CHD7: variants seen among roughly 807,000 people sequenced by gnomAD.
CHD7 encodes the protein ATP-dependent chromatin remodeler CHD7.
Under a neutral mutation model 307.3 loss-of-function variants are expected in CHD7, and 24 were observed. That is an observed-to-expected ratio of 0.08 (90% CI 0.06 to 0.11). The LOEUF is 0.11. CHD7 is among the 10% of genes least tolerant of loss of function. The pLI, the probability that CHD7 is intolerant of heterozygous loss-of-function variation, is 1.00. For missense variants in CHD7, 3,106 were observed against 3,727.1 expected (o/e 0.83, Z 4.34); for synonymous variants, 1,363 against 1,349.9 (o/e 1.01, Z -0.21).
Position 60,841,867 on chromosome 8 carries a change from T to C in CHD7, c.4665T>C (p.Thr1555=). Residue 1555 remains threonine (T), a synonymous_variant, in exon 21 of 38, where the codon ACT becomes ACC. Coordinates refer to ENST00000423902, the MANE Select transcript of CHD7 (RefSeq NM_017780.4). ...ATTAGAACAACCTGGTTATTGATAC[T>C]CCAAGAGTGAGAAAGCAGACCAGGC... The part of the protein sequence containing the change: ...LNGRNNLVID[T]PRVRKQTRLY... 1.2e-6 allele frequency: 2 copies of C among 1,608,190 alleles called. No individual in the cohort carries two copies. Among genetic ancestry groups the C allele is most frequent in the Non-Finnish European group, 1.7e-6 (2 of 1,176,762 alleles).
At chr8:60,827,209 T>G (rs1441987854) in intron 13 of CHD7, among the ~76,000 whole-genome samples, 1 of 151,536 alleles carries the variant, frequency 6.6e-6, no homozygotes, top group Non-Finnish European at 1.5e-5. Flanking sequence ...GTAACTAACC[T>G]GCACAATGTA....
chr8:60,719,307 G>A (rs1306496822), intron 1 of CHD7, among the ~76,000 whole-genome samples: 3 of 152,174 alleles, frequency 2.0e-5, no homozygotes, highest in African/African-American at 7.2e-5. Context: ...AAAATATTTT[G>A]TAAAGTTCCA....
rs757868659 is a variant in CHD7 at position 60,856,001 on chromosome 8, C to T, written c.6963C>T (p.Asp2321=). 4.5e-5 allele frequency: 73 copies of T among 1,609,776 alleles called. No homozygotes were observed. The highest frequency in any genetic ancestry group is 6.1e-5 in the Non-Finnish European group (72 of 1,177,864). ...PKDRVMINRL[D]NICEAVLKGK... ...ATAGAGTAATGATAAACCGCTTAGA[C>T]AACATCTGTGAAGCAGTGTTGAAAG... The change falls in exon 33 of 38, where the codon GAC becomes GAT. Residue 2321 remains aspartate (D), a synonymous_variant. Transcript: ENST00000423902.
chr8:60,780,759 AT>A (rs532046245), intron 2 of CHD7, among the ~76,000 whole-genome samples: 5 of 151,416 alleles, frequency 3.3e-5, no homozygotes, highest in Non-Finnish European at 7.4e-5. Context: ...TCCTGAACTG[AT>A]TTTTTTTTAC....
chr8:60,827,176 C>A (rs1271196289), intron 13 of CHD7, among the ~76,000 whole-genome samples: 1 of 151,574 alleles, frequency 6.6e-6, no homozygotes, highest in East Asian at 1.9e-4. Flanking sequence ...TGCAGCGCAC[C>A]AGCATGGCAC....
chr8:60,739,518 A>T (rs1039165521), intron 1 of CHD7, among the ~76,000 whole-genome samples: 1 of 152,202 alleles, frequency 6.6e-6, no homozygotes, highest in Non-Finnish European at 1.5e-5. Flanking sequence ...TTTCATGCTC[A>T]CCTTATTTTC....
Position 60,853,398 on chromosome 8 carries a change from G to A in CHD7, c.6673G>A (p.Ala2225Thr), listed in dbSNP as rs374408098. Residue 2225 changes from alanine to threonine, a missense_variant, in exon 31 of 38, where the codon GCA becomes ACA. By Grantham distance (58) the Ala-to-Thr change is moderately conservative. Around this residue, in one of 10 missense-constraint regions of CHD7, gnomAD observed 1,030 missense variants for 1,165.4 expected, o/e 0.88. Coordinates refer to ENST00000423902, the MANE Select transcript of CHD7 (RefSeq NM_017780.4). ...TGAACTGAAAGGTGTTGAGGTCGGC[G>A]CAGACACTGGGTCCAAATCTATTTC... ...KNELKGVEVGADTGSKSISEK... is the reference protein window; with the variant it reads ...KNELKGVEVGTDTGSKSISEK... The A allele has an allele frequency of 2.2e-5, 34 of 1,532,954 alleles. No homozygotes were observed. Among genetic ancestry groups the A allele is most frequent in the East Asian group, 4.5e-5 (2 of 44,300 alleles). 95.0% of individuals were successfully genotyped at this position (1,532,954 alleles called of 1,614,324 possible).
chr8:60,691,098 A>G (rs566445225), intron 1 of CHD7, among the ~76,000 whole-genome samples: 169 of 151,840 alleles, frequency 1.1e-3, no homozygotes, highest in African/African-American at 4.1e-3. Flanking sequence ...GCTAATTTTT[A>G]TATTTTTAGT....
intron 1 of CHD7, among the ~76,000 whole-genome samples, chr8:60,691,387 C>G (rs763798874): frequency 6.6e-6 from 1 of 152,090 alleles, no homozygotes; most frequent in South Asian, 2.1e-4. Flanking sequence ...GTAAGAAAAA[C>G]GAGTCTTTTT....
At chr8:60,845,147 AC>A in intron 22 of CHD7, 84 bp downstream of exon 22, 2 of 1,577,838 alleles carry the variant, frequency 1.3e-6, no homozygotes, top group Non-Finnish European at 1.7e-6. Context: ...AAGAGATGTG[AC>A]ATAAACCCCA....
chr8:60,684,978 A>C (rs1294633980), intron 1 of CHD7, among the ~76,000 whole-genome samples: 2 of 152,152 alleles, frequency 1.3e-5, no homozygotes, highest in Admixed American at 1.3e-4. Flanking sequence ...AGTTTCAACG[A>C]ATAGGACTTG....
At chr8:60,680,288 G>T (rs1805538066) in intron 1 of CHD7, among the ~76,000 whole-genome samples, 1 of 149,748 alleles carries the variant, frequency 6.7e-6, no homozygotes, top group Non-Finnish European at 1.5e-5. Context: ...TGTTTGTTTG[G>T]TTCGCACCGG....
At chr8:60,847,952 C>A (rs1020920004) in intron 23 of CHD7, among the ~76,000 whole-genome samples, 1 of 151,892 alleles carries the variant, frequency 6.6e-6, no homozygotes, top group Non-Finnish European at 1.5e-5. Flanking sequence ...ACCTTCTACC[C>A]CACCCTGTCA....
At chr8:60,836,653 T>C (rs893761056) in intron 16 of CHD7, among the ~76,000 whole-genome samples, 164 bp from the exon 17 acceptor site, 1 of 152,216 alleles carries the variant, frequency 6.6e-6, no homozygotes, top group African/African-American at 2.4e-5. Flanking sequence ...CAATCAATTA[T>C]ATAAAAAACG....
chr8:60,788,131 T>A (rs1269634240), intron 3 of CHD7, among the ~76,000 whole-genome samples: 1 of 148,574 alleles, frequency 6.7e-6, no homozygotes, highest in Non-Finnish European at 1.5e-5. Flanking sequence ...CCAGGTGACT[T>A]TTTTTTTTTT....
At chr8:60,788,632 C>T (rs1025958425) in intron 3 of CHD7, among the ~76,000 whole-genome samples, 3 of 152,162 alleles carry the variant, frequency 2.0e-5, no homozygotes, top group Non-Finnish European at 4.4e-5. Flanking sequence ...TGGCGAGGCA[C>T]CTGCTTGGAG....
intron 3 of CHD7, among the ~76,000 whole-genome samples, chr8:60,790,935 G>T (rs753838505): frequency 6.6e-6 from 1 of 152,128 alleles, no homozygotes; most frequent in African/African-American, 2.4e-5. Context: ...AGTGGTGTCC[G>T]CGCAGGGTCT....
Position 60,811,335 on chromosome 8 carries a change from T to G in CHD7, c.2498+3063T>G, listed in dbSNP as rs537499932. ...TTCCACCCCATTCCTGCTTACTTCCTTACTAATCCCAGGTTTATCCTTTCT... is the reference window on the plus strand; with the variant it reads ...TTCCACCCCATTCCTGCTTACTTCCGTACTAATCCCAGGTTTATCCTTTCT... On this transcript the variant is annotated intron_variant, in intron 7 of 37. Coordinates refer to ENST00000423902, the MANE Select transcript of CHD7 (RefSeq NM_017780.4). Among the ~76,000 whole-genome samples, 23 of 152,310 alleles carry G rather than the reference T, an allele frequency of 1.5e-4. No homozygotes were observed. In the South Asian group the frequency reaches 3.5e-3, roughly 23 times the overall value.
chr8:60,744,117 C>T (rs1457594422), intron 2 of CHD7, among the ~76,000 whole-genome samples: 1 of 152,158 alleles, frequency 6.6e-6, no homozygotes, highest in East Asian at 1.9e-4. Context: ...CTAGGCCTTA[C>T]CCCGGGGAGG....
Sources: allele counts gnomAD v4.1 joint callset (sites outside exome capture counted in the v4.1 genomes callset), GRCh38; gene constraint gnomAD v4.1.1; regional missense constraint gnomAD v4.1.1; transcripts MANE v1.5; gene names NCBI Gene and HGNC (gene_info 2026-07-23, HGNC 2026-07-21).